The following CREBBP variants were observed in gnomAD, a reference collection of about 807,000 sequenced individuals.
The protein encoded by CREBBP is CREB-binding protein.
In CREBBP, 19 loss-of-function variants were observed where a neutral mutation model predicts 265.0. The ratio of observed to expected loss-of-function variants is 0.07; its 90% CI spans 0.05 to 0.11. CREBBP has a LOEUF of 0.11. Ranked by LOEUF, CREBBP falls within the 10% of genes least tolerant of loss-of-function variation. The pLI, the probability that CREBBP is intolerant of heterozygous loss-of-function variation, is 1.00. For synonymous variants in CREBBP, 1,457 were observed against 1,223.7 expected (o/e 1.19, Z -3.98); for missense variants, 2,525 against 3,219.0 (o/e 0.78, Z 5.22).
intron 5 of CREBBP, chr16:3,791,301 A>G (rs1242201546): frequency 1.3e-5 from 2 of 153,006 alleles, no homozygotes; most frequent in Non-Finnish European, 2.9e-5. Flanking sequence ...GGACCTCCCA[A>G]CAAGCAGGGA....
chr16:3,775,930 T>A (rs1019979672), intron 11 of CREBBP, among the ~76,000 whole-genome samples: 4 of 152,010 alleles, frequency 2.6e-5, no homozygotes, highest in Non-Finnish European at 5.9e-5. Flanking sequence ...TCTTTTTTTT[T>A]TTTGAGATGA....
rs894405454 is a variant in CREBBP, at chr16:3,820,984, G to A, written c.799-10205C>T. On this transcript the variant is annotated intron_variant, in intron 2 of 30. Coordinates refer to ENST00000262367, the MANE Select transcript of CREBBP (RefSeq NM_004380.3). The stretch of plus-strand genomic sequence containing the variant: ...ACACCTTGGCAGGTCCCTACAGTTA[G>A]AGACGCTGGTTCCCCAAGGTGCAGT... Among the ~76,000 whole-genome samples, 3 of 152,330 alleles carry A rather than the reference G, an allele frequency of 2.0e-5. No individual in the cohort carries two copies. In the South Asian group the frequency reaches 6.2e-4, roughly 32 times the overall value.
chr16:3,874,163 A>G (rs2055353708), intron 1 of CREBBP, among the ~76,000 whole-genome samples: 1 of 152,224 alleles, frequency 6.6e-6, no homozygotes, highest in Non-Finnish European at 1.5e-5. Flanking sequence ...TTTCTGATAA[A>G]TTCGTCTGAT....
intron 16 of CREBBP, among the ~76,000 whole-genome samples, chr16:3,761,080 G>A (rs913966763): frequency 1.3e-5 from 2 of 152,104 alleles, no homozygotes; most frequent in East Asian, 1.9e-4. Context: ...TCAGCCTTCC[G>A]AGTAGTTGGG....
intron 3 of CREBBP, among the ~76,000 whole-genome samples, chr16:3,807,749 C>T (rs2141337004): frequency 6.6e-6 from 1 of 152,320 alleles, no homozygotes; most frequent in East Asian, 1.9e-4. Flanking sequence ...GAGGCTATTG[C>T]AGGAATATGT....
intron 16 of CREBBP, among the ~76,000 whole-genome samples, chr16:3,761,831 T>G (rs537591943): frequency 6.6e-6 from 1 of 152,348 alleles, no homozygotes; most frequent in East Asian, 1.9e-4. Flanking sequence ...AAGCAGCATT[T>G]GCTAGTCTTT....
chr16:3,767,576 G>A, intron 16 of CREBBP, 144 bp downstream of exon 16: 1 of 1,112,782 alleles, frequency 9.0e-7, no homozygotes, highest in South Asian at 1.5e-5. Flanking sequence ...TGTTTCTGCA[G>A]GGGAAAGTCT....
At chr16:3,757,260 A>T (rs2052608682) in intron 19 of CREBBP, 28 bp downstream of exon 19, 6 of 1,559,158 alleles carry the variant, frequency 3.8e-6, no homozygotes, top group Non-Finnish European at 4.4e-6. Flanking sequence ...GCCCTAAGAC[A>T]TAATGCAGGA....
At chr16:3,870,594 G>A (rs994923635) in intron 1 of CREBBP, among the ~76,000 whole-genome samples, 2 of 152,166 alleles carry the variant, frequency 1.3e-5, no homozygotes, top group African/African-American at 4.8e-5. Context: ...TAAGATTCTC[G>A]AATCTTAGTT....
intron 2 of CREBBP, among the ~76,000 whole-genome samples, chr16:3,815,892 T>C (rs2054028579): frequency 6.6e-6 from 1 of 152,086 alleles, no homozygotes; most frequent in South Asian, 2.1e-4. Flanking sequence ...CAAAGTCTTA[T>C]TCATTCTTTT....
At position 3,838,079 on chromosome 16, in the gene CREBBP, C is replaced by T. The variant is rs148555510; in HGVS notation, c.798+12218G>A. 9.6e-4 allele frequency among the ~76,000 whole-genome samples: 146 copies of T among 152,310 alleles called. 1 individual carries two copies. Among genetic ancestry groups the T allele is most frequent in the African/African-American group, 3.1e-3 (128 of 41,572 alleles). On this transcript the variant is annotated intron_variant, in intron 2 of 30. Transcript: ENST00000262367. The stretch of plus-strand genomic sequence containing the variant: ...CAACTCACAGGCTCAAGTGATCCTC[C>T]GGCCTCACCCTCCTAAAGTGCTGGG...
intron 27 of CREBBP, 45 bp from the exon 28 acceptor site, chr16:3,736,248 T>C (rs768466461): frequency 6.3e-7 from 1 of 1,591,606 alleles, no homozygotes. Context: ...CATGCACGCG[T>C]GCCCCCCACC....
At position 3,812,224 on chromosome 16, in the gene CREBBP, G is replaced by A. The variant is rs991969783; in HGVS notation, c.799-1445C>T. On this transcript the variant is annotated intron_variant, in intron 2 of 30. Coordinates refer to ENST00000262367, the MANE Select transcript of CREBBP (RefSeq NM_004380.3). ...GAGAGTGTGTCACTCTGTCACCCAG[G>A]CTGGAGTGCAGTGGCGTGATCTCGG... is the stretch of plus-strand genomic sequence containing the variant. 2.6e-5 allele frequency among the ~76,000 whole-genome samples: 4 copies of A among 152,176 alleles called. No individual in the cohort carries two copies. In the South Asian group the frequency reaches 8.3e-4, roughly 32 times the overall value.
intron 5 of CREBBP, among the ~76,000 whole-genome samples, 166 bp from the exon 6 acceptor site, chr16:3,783,092 G>A (rs1462100184): frequency 1.3e-5 from 2 of 152,308 alleles, no homozygotes; most frequent in East Asian, 3.9e-4. Context: ...TGTGCTGAAG[G>A]ACTCATTTAT....
intron 2 of CREBBP, among the ~76,000 whole-genome samples, chr16:3,827,389 T>C (rs1161064901): frequency 6.6e-6 from 1 of 152,184 alleles, no homozygotes; most frequent in African/African-American, 2.4e-5. Context: ...GCTTACTTTT[T>C]ATTTTATTGA....
intron 11 of CREBBP, among the ~76,000 whole-genome samples, chr16:3,777,228 A>G (rs920256724): frequency 7.3e-5 from 10 of 137,290 alleles, no homozygotes; most frequent in African/African-American, 2.2e-4. Flanking sequence ...CCAGCTACTC[A>G]GGAGGCTGAG....
intron 16 of CREBBP, among the ~76,000 whole-genome samples, chr16:3,763,587 C>T (rs1370459517): frequency 1.3e-5 from 2 of 152,176 alleles, no homozygotes; most frequent in Admixed American, 1.3e-4. Context: ...CCTCAGCCTC[C>T]TGAGTAGTTG....
chr16:3,848,103 G>A (rs1293296845), intron 2 of CREBBP, among the ~76,000 whole-genome samples: 1 of 151,888 alleles, frequency 6.6e-6, no homozygotes, highest in Non-Finnish European at 1.5e-5. Flanking sequence ...CCAGGAGGCG[G>A]AGGTTGCAGT....
At chr16:3,793,132 C>T (rs998573998) in intron 4 of CREBBP, among the ~76,000 whole-genome samples, 1 of 152,202 alleles carries the variant, frequency 6.6e-6, no homozygotes, top group Admixed American at 6.5e-5. Flanking sequence ...AGAACAAATA[C>T]GGGGCACAGC....
Sources: gnomAD v4.1 joint callset for allele counts (sites outside exome capture counted in the v4.1 genomes callset) on GRCh38, gnomAD v4.1.1 for gene constraint, MANE v1.5 for transcripts, NCBI Gene and HGNC (gene_info 2026-07-23, HGNC 2026-07-21) for gene names.